Variants in BAHCC1 observed in about 807,000 individuals in gnomAD.
BAHCC1 encodes the protein BAH and coiled-coil domain-containing protein 1.
In BAHCC1, 43 loss-of-function variants were observed where a neutral mutation model predicts 88.2. The observed-to-expected ratio is 0.49, with a 90% CI of 0.38 to 0.63. The LOEUF is 0.63. BAHCC1 is among the 20% of genes least tolerant of loss of function. The pLI is 0.00. For synonymous variants in BAHCC1, 1,510 were observed against 745.5 expected, an observed-to-expected ratio of 2.03 and a Z score of -16.71; for missense variants, 3,023 against 1,654.8, an observed-to-expected ratio of 1.83 and a Z score of -14.34.
rs782125197 is a variant in BAHCC1, at chr17:81,458,707, G to A, written c.5430G>A (p.Lys1810=). 2 of 730,488 alleles carry A rather than the reference G, an allele frequency of 2.7e-6. No individual in the cohort carries two copies. Among genetic ancestry groups the A allele is most frequent in the South Asian group, 1.5e-5 (1 of 68,672 alleles). The allele number at this position is 730,488 out of a possible 1,614,324, so 45.3% of individuals were successfully genotyped here. ...LGKGRKLSKV[K]HKAGKQGKGR... ...AGGGCCGGAAGCTGAGCAAGGTGAA[G>A]CACAAGGCCGGCAAGCAGGTAGCAG... is the stretch of plus-strand genomic sequence containing the variant. The change falls in exon 19 of 28, where the codon AAG becomes AAA. Residue 1810 remains lysine, a synonymous_variant. Transcript: ENST00000675386.
At chr17:81,453,271 C>T (rs2064679492) in intron 14 of BAHCC1, among the ~76,000 whole-genome samples, 2 of 152,222 alleles carry the variant, frequency 1.3e-5, no homozygotes, top group African/African-American at 4.8e-5. Context: ...TGTTATTATC[C>T]ATTACCCGCC....
chr17:81,445,315 G>C, intron 9 of BAHCC1, 39 bp from the exon 10 acceptor site: 2 of 747,774 alleles, frequency 2.7e-6, no homozygotes, highest in Non-Finnish European at 5.0e-6. Flanking sequence ...GGGGTCAGGG[G>C]ATCCTGAGCC....
At chr17:81,427,981 A>C (rs2064220250) in intron 3 of BAHCC1, among the ~76,000 whole-genome samples, 1 of 152,256 alleles carries the variant, frequency 6.6e-6, no homozygotes, top group African/African-American at 2.4e-5. Context: ...CAAACAGAAC[A>C]GGTGACGAGT....
In BAHCC1 at chr17:81,458,352, C is replaced by T. The variant is rs781981199; in HGVS notation, c.5229C>T (p.Asp1743=). 9.6e-6 allele frequency: 7 copies of T among 731,372 alleles called. No homozygotes were observed. Among genetic ancestry groups the T allele is most frequent in the East Asian group, 7.8e-5 (3 of 38,482 alleles). The allele number at this position is 731,372 out of a possible 1,614,324, so 45.3% of individuals were successfully genotyped here. A position where few individuals can be genotyped will look rare whatever the true frequency, so the allele number is the denominator to read the frequency against. ...AGCCGGGGGCCACCCCCAGCAGGGA[C>T]GCCCTCTTCAACCCCTCTCGGGCCT... ...RAEPGATPSR[D]ALFNPSRAFA... is the part of the protein sequence containing the mutation. The change falls in exon 18 of 28, where the codon GAC becomes GAT. Residue 1743 remains aspartate (D), a synonymous_variant. Coordinates refer to ENST00000675386, the MANE Select transcript of BAHCC1 (RefSeq NM_001377448.1).
rs1555652060 is a variant in BAHCC1, at chr17:81,438,476, C to T, written c.465C>T (p.Phe155=). ...NSNVLYGQHR[F]YGTQKDNFYL... is the part of the protein sequence containing the mutation. ...ACGTTCTCTATGGGCAGCACCGTTT[C>T]TATGGAACCCAAAAAGGCAAGTGCA... Residue 155 remains phenylalanine, a synonymous_variant, in exon 4 of 28, where the codon TTC becomes TTT. Transcript: ENST00000675386. 1 of 772,066 alleles carries T rather than the reference C, an allele frequency of 1.3e-6. No individual in the cohort carries two copies. Among genetic ancestry groups the T allele is most frequent in the Non-Finnish European group, 2.4e-6 (1 of 414,452 alleles). The allele number at this position is 772,066 out of a possible 1,614,324, so 47.8% of individuals were successfully genotyped here. A position where few individuals can be genotyped will look rare whatever the true frequency, so the allele number is the denominator to read the frequency against.
rs1421651458 is a variant in BAHCC1, at chr17:81,461,965, G to A, written c.7302G>A (p.Pro2434=). 1.0e-5 allele frequency: 8 copies of A among 772,862 alleles called. No individual in the cohort carries two copies. Among genetic ancestry groups the A allele is most frequent in the East Asian group, 2.4e-5 (1 of 40,900 alleles). 47.9% of individuals were successfully genotyped at this position (772,862 alleles called of 1,614,324 possible). Residue 2434 remains proline, a synonymous_variant, in exon 26 of 28, where the codon CCG becomes CCA. Coordinates refer to ENST00000675386, the MANE Select transcript of BAHCC1 (RefSeq NM_001377448.1). ...KAKELSRRQR[P]PSVENRPKIS... is the part of the protein sequence containing the mutation. ...AAGAGCTCTCCCGGAGGCAGCGGCC[G>A]CCCTCCGTGGAAAACCGGCCAAAGA... is the stretch of plus-strand genomic sequence containing the variant.
At chr17:81,420,203 C>T (rs556125621) in intron 2 of BAHCC1, among the ~76,000 whole-genome samples, 17 of 152,338 alleles carry the variant, frequency 1.1e-4, no homozygotes, top group African/African-American at 3.6e-4. Flanking sequence ...CCCTTCTTAG[C>T]CATCCATGGC....
chr17:81,459,221 C>T, intron 21 of BAHCC1, 32 bp from the exon 22 acceptor site: 1 of 775,684 alleles, frequency 1.3e-6, no homozygotes, highest in Non-Finnish European at 2.4e-6. Context: ...CAACCGAGAC[C>T]CGTGGCACCT....
chr17:81,446,276 G>A (rs1041896298), intron 10 of BAHCC1, among the ~76,000 whole-genome samples: 2 of 149,454 alleles, frequency 1.3e-5, no homozygotes, highest in Non-Finnish European at 3.0e-5. Context: ...TTTTCCCTTC[G>A]TTTTTTTTTT....
intron 4 of BAHCC1, among the ~76,000 whole-genome samples, chr17:81,439,550 G>A (rs920395503): frequency 2.0e-5 from 3 of 152,094 alleles, no homozygotes; most frequent in Non-Finnish European, 1.5e-5. Context: ...ACACGGGGTG[G>A]GGTCAGTGGG....
chr17:81,403,737 G>T (rs140699879), intron 2 of BAHCC1, among the ~76,000 whole-genome samples: 1 of 152,190 alleles, frequency 6.6e-6, no homozygotes, highest in Non-Finnish European at 1.5e-5. Flanking sequence ...TTCCGAAGAC[G>T]TCACCCGTCC....
At position 81,458,331 on chromosome 17, in the gene BAHCC1, G is replaced by T; in HGVS notation, c.5208G>T (p.Pro1736=). Residue 1736 remains proline (P), a synonymous_variant, in exon 18 of 28, where the codon CCG becomes CCT. Coordinates refer to ENST00000675386, the MANE Select transcript of BAHCC1 (RefSeq NM_001377448.1). The part of the protein sequence containing the change: ...GKAKGSLRAE[P]GATPSRDALF... ...CCAAGGGCAGCCTGCGGGCAGAGCC[G>T]GGGGCCACCCCCAGCAGGGACGCCC... 1 of 740,846 alleles carries T rather than the reference G, an allele frequency of 1.3e-6. No homozygotes were observed. The highest frequency in any genetic ancestry group is 2.5e-5 in the East Asian group (1 of 39,218). The allele number at this position is 740,846 out of a possible 1,614,324, so 45.9% of individuals were successfully genotyped here.
intron 11 of BAHCC1, among the ~76,000 whole-genome samples, chr17:81,450,863 G>T (rs1555655612): frequency 6.6e-6 from 1 of 152,172 alleles, no homozygotes; most frequent in African/African-American, 2.4e-5. Context: ...AGCCGTGATG[G>T]AGCCACCACA....
At chr17:81,419,956 T>C (rs2064096218) in intron 2 of BAHCC1, among the ~76,000 whole-genome samples, 1 of 152,168 alleles carries the variant, frequency 6.6e-6, no homozygotes, top group Admixed American at 6.5e-5. Context: ...GCCTTCAGTC[T>C]GGTGCCACAG....
chr17:81,398,055 A>G (rs1302617357), intron 1 of BAHCC1, among the ~76,000 whole-genome samples: 1 of 152,240 alleles, frequency 6.6e-6, no homozygotes, highest in East Asian at 1.9e-4. Flanking sequence ...AAACATCTTA[A>G]TCGCTTTGTT....
intron 2 of BAHCC1, among the ~76,000 whole-genome samples, chr17:81,421,252 A>G (rs8070484): frequency 0.98 from 149,964 of 152,350 alleles, 73,812 homozygotes; most frequent in East Asian, 1. Context: ...CTTGGCCCAC[A>G]CGGTCTGGCC....
chr17:81,460,424 G>A (rs1289688042), intron 24 of BAHCC1, 28 bp downstream of exon 24: 2 of 740,916 alleles, frequency 2.7e-6, no homozygotes, highest in South Asian at 1.4e-5. Flanking sequence ...ACGGGGCAGG[G>A]CCCTGCCTGG....
rs781809454 is a variant in BAHCC1 at position 81,460,858 on chromosome 17, G to C, written c.6203-8G>C. On this transcript the variant is annotated splice_polypyrimidine_tract_variant and splice_region_variant and intron_variant, in intron 25 of 27. Transcript: ENST00000675386. ...CTGGGGCTGACTCTGCTGGGCTTTTGCCCTCAGGTAAAGCCGAACTCCTAA... is the reference window on the plus strand; with the variant it reads ...CTGGGGCTGACTCTGCTGGGCTTTTCCCCTCAGGTAAAGCCGAACTCCTAA... 1 of 766,370 alleles carries C rather than the reference G, an allele frequency of 1.3e-6. No individual in the cohort carries two copies. The highest frequency in any genetic ancestry group is 2.4e-5 in the East Asian group (1 of 41,244). 47.5% of individuals were successfully genotyped at this position (766,370 alleles called of 1,614,324 possible). A position where few individuals can be genotyped will look rare whatever the true frequency, so the allele number is the denominator to read the frequency against.
At chr17:81,460,482 TCACCCCACAGCCATGG>T (rs1555658826) in intron 24 of BAHCC1, 32 bp from the exon 25 acceptor site, 1 of 726,712 alleles carries the variant, frequency 1.4e-6, no homozygotes, top group East Asian at 2.6e-5. Flanking sequence ...GGGGTGGCAG[TCACCCCACAGCCATGG>T]CACTGAAGCC....
Sources: gnomAD v4.1 joint callset for allele counts (sites outside exome capture counted in the v4.1 genomes callset) on GRCh38, gnomAD v4.1.1 for gene constraint, MANE v1.5 for transcripts, NCBI Gene and HGNC (gene_info 2026-07-23, HGNC 2026-07-21) for gene names.